The following RCHY1 variants were observed in gnomAD, a reference collection of about 807,000 sequenced individuals.
RCHY1 encodes ring finger and CHY zinc finger domain containing 1, also known as RING finger and CHY zinc finger domain-containing protein 1.
In RCHY1, 21 loss-of-function variants were observed where a neutral mutation model predicts 41.6. The ratio of observed to expected loss-of-function variants is 0.51; its 90% CI spans 0.36 to 0.73. The LOEUF (loss-of-function observed/expected upper bound fraction) is 0.73, where lower values mean the gene tolerates loss of function less well. RCHY1 is among the 30% of genes least tolerant of loss of function. RCHY1 has a pLI of 0.00. For synonymous variants in RCHY1, 79 were observed against 102.9 expected, an observed-to-expected ratio of 0.77 and a Z score of 1.41; for missense variants, 265 against 325.3, an observed-to-expected ratio of 0.81 and a Z score of 1.43.
At chr4:75,492,418 A>T (rs1301719881) in intron 4 of RCHY1, among the ~76,000 whole-genome samples, 1 of 151,986 alleles carries the variant, frequency 6.6e-6, no homozygotes, top group Non-Finnish European at 1.5e-5. Context: ...GAAATAGGCT[A>T]TGATTGTTAT....
In RCHY1 at chr4:75,482,526, T is replaced by C; in HGVS notation, c.*12A>G. Reference sequence around the variant, plus strand: ...CAGAAAATGCCAAGTTCTCCAGTACTGTGTAGGCTCGTCATTGCTGATCCA... The same window carrying C: ...CAGAAAATGCCAAGTTCTCCAGTACCGTGTAGGCTCGTCATTGCTGATCCA... On this transcript the variant is annotated 3_prime_UTR_variant, in exon 9 of 9. Transcript: ENST00000324439. 1.3e-6 allele frequency: 2 copies of C among 1,595,858 alleles called. No homozygotes were observed.
chr4:75,487,649 A>ATC (rs1722255141), intron 8 of RCHY1, among the ~76,000 whole-genome samples: 1 of 55,388 alleles, frequency 1.8e-5, no homozygotes, highest in African/African-American at 1.0e-4. Context: ...ATTCATATAT[A>ATC]TTCATAATAT....
rs1447720091 is a variant in RCHY1 at position 75,487,562 on chromosome 4, CATA to C, written c.657+3016_657+3018del. 1.5e-3 allele frequency among the ~76,000 whole-genome samples: 123 copies of C among 79,932 alleles called. 1 individual carries two copies. The highest frequency in any genetic ancestry group is 7.2e-3 in the African/African-American group (121 of 16,750). 52.4% of individuals were successfully genotyped at this position (79,932 alleles called of 152,430 possible). The stretch of plus-strand genomic sequence containing the variant: ...ATAATATATATATTCATAATATATT[CATA>C]ATATATATATTCATATATATATTCA... On this transcript the variant is annotated intron_variant, in intron 8 of 8. Transcript: ENST00000324439.
At chr4:75,514,695 G>A (rs1056481886), upstream of RCHY1, 2 of 164,962 alleles carry the variant, frequency 1.2e-5, no homozygotes, top group African/African-American at 4.8e-5. Context: ...CCCTCCGGTG[G>A]CGGGGAGCCT....
At chr4:75,511,612 C>T (rs1724884132) in intron 1 of RCHY1, among the ~76,000 whole-genome samples, 1 of 152,132 alleles carries the variant, frequency 6.6e-6, no homozygotes, top group South Asian at 2.1e-4. Flanking sequence ...CATTGAACAG[C>T]ATATTAAAAG....
Position 75,482,528 on chromosome 4 carries a change from T to C in RCHY1, c.*10A>G, listed in dbSNP as rs2148703724. ...GAAAATGCCAAGTTCTCCAGTACTGTGTAGGCTCGTCATTGCTGATCCAGT... is the reference window on the plus strand; with the variant it reads ...GAAAATGCCAAGTTCTCCAGTACTGCGTAGGCTCGTCATTGCTGATCCAGT... On this transcript the variant is annotated 3_prime_UTR_variant, in exon 9 of 9. Transcript: ENST00000324439. 1 of 1,604,834 alleles carries C rather than the reference T, an allele frequency of 6.2e-7. No individual in the cohort carries two copies. Among genetic ancestry groups the C allele is most frequent in the Non-Finnish European group, 8.5e-7 (1 of 1,175,560 alleles).
chr4:75,489,791 T>C (rs1209872271), intron 8 of RCHY1, among the ~76,000 whole-genome samples: 1 of 152,154 alleles, frequency 6.6e-6, no homozygotes, highest in Non-Finnish European at 1.5e-5. Context: ...CCCTTCACAA[T>C]CTAGAATCTG....
intron 3 of RCHY1, among the ~76,000 whole-genome samples, chr4:75,507,217 A>C (rs544158239): frequency 1.3e-5 from 2 of 152,244 alleles, no homozygotes; most frequent in South Asian, 4.1e-4. Context: ...GAAACGGTAA[A>C]TATATAACAA....
At chr4:75,490,172 A>C (rs921358925) in intron 8 of RCHY1, among the ~76,000 whole-genome samples, 1 of 152,196 alleles carries the variant, frequency 6.6e-6, no homozygotes, top group African/African-American at 2.4e-5. Context: ...AATAAACACT[A>C]AAAACCAAAA....
intron 4 of RCHY1, among the ~76,000 whole-genome samples, chr4:75,492,573 A>G (rs1281450942): frequency 6.6e-6 from 1 of 151,960 alleles, no homozygotes; most frequent in Non-Finnish European, 1.5e-5. Context: ...GTAATGTCTG[A>G]TTAAATCCAA....
intron 4 of RCHY1, among the ~76,000 whole-genome samples, chr4:75,493,096 A>C (rs1722897092): frequency 6.6e-6 from 1 of 151,960 alleles, no homozygotes. Flanking sequence ...AATGTAATCT[A>C]TAAGATACTA....
chr4:75,511,411 CTT>C (rs1724863944), intron 1 of RCHY1, among the ~76,000 whole-genome samples: 1 of 152,188 alleles, frequency 6.6e-6, no homozygotes, highest in South Asian at 2.1e-4. Context: ...GTGAGTCTCA[CTT>C]TTCTCCTTTT....
intron 8 of RCHY1, among the ~76,000 whole-genome samples, chr4:75,489,008 G>C (rs1170245851): frequency 6.6e-6 from 1 of 152,000 alleles, no homozygotes; most frequent in Non-Finnish European, 1.5e-5. Flanking sequence ...CCTGGAGGCA[G>C]AGGTTGCAGT....
chr4:75,499,538 G>A (rs1293955613), intron 3 of RCHY1, among the ~76,000 whole-genome samples: 4 of 152,174 alleles, frequency 2.6e-5, no homozygotes, highest in Non-Finnish European at 5.9e-5. Flanking sequence ...ATCAGTGGAT[G>A]AATGGATAAA....
chr4:75,509,306 A>C lies in RCHY1; in HGVS notation c.91-10T>G. 1 of 1,607,272 alleles carries C rather than the reference A, an allele frequency of 6.2e-7. No homozygotes were observed. Among genetic ancestry groups the C allele is most frequent in the Non-Finnish European group, 8.5e-7 (1 of 1,177,760 alleles). ...TGTCACAGCAAGGTGCCTAACACCC[A>C]CGGAGAAAAAAGAGATATAGTAAGA... On this transcript the variant is annotated splice_polypyrimidine_tract_variant and intron_variant, in intron 1 of 8. Coordinates refer to ENST00000324439, the MANE Select transcript of RCHY1 (RefSeq NM_015436.4).
intron 8 of RCHY1, among the ~76,000 whole-genome samples, chr4:75,484,184 G>A (rs1447431193): frequency 6.6e-6 from 1 of 152,140 alleles, no homozygotes. Flanking sequence ...TTCAGTGACC[G>A]CCAGGAGCAC....
chr4:75,502,245 A>G (rs1301688141), intron 3 of RCHY1, among the ~76,000 whole-genome samples: 1 of 152,002 alleles, frequency 6.6e-6, no homozygotes, highest in Non-Finnish European at 1.5e-5. Flanking sequence ...TTTCTTTAGA[A>G]ATCTTCCAAA....
At chr4:75,501,817 G>A (rs182293637) in intron 3 of RCHY1, among the ~76,000 whole-genome samples, 6 of 152,042 alleles carry the variant, frequency 3.9e-5, no homozygotes, top group East Asian at 3.9e-4. Context: ...GGTGGCTCAC[G>A]CCTATAATCC....
At chr4:75,491,137 T>C (rs925246572) in intron 7 of RCHY1, 4 of 159,646 alleles carry the variant, frequency 2.5e-5, no homozygotes, top group Admixed American at 1.9e-4. Flanking sequence ...CTCATCAATA[T>C]GTAGGACCAA....
Sources: allele counts gnomAD v4.1 joint callset (sites outside exome capture counted in the v4.1 genomes callset), GRCh38; gene constraint gnomAD v4.1.1; transcripts MANE v1.5; gene names NCBI Gene and HGNC (gene_info 2026-07-23, HGNC 2026-07-21).